PTPRG: variants seen among roughly 807,000 people sequenced by gnomAD.
The protein encoded by PTPRG is receptor-type tyrosine-protein phosphatase gamma.
A neutral mutation model predicts 165.3 loss-of-function variants in PTPRG; 102 were observed. That is an observed-to-expected ratio of 0.62 (90% CI 0.53 to 0.73). The LOEUF is 0.73. PTPRG is among the 30% of genes least tolerant of loss of function. The pLI is 0.00. For synonymous variants in PTPRG, 675 were observed against 669.5 expected, an observed-to-expected ratio of 1.01 and a Z score of -0.13; for missense variants, 1,866 against 1,861.4, an observed-to-expected ratio of 1.00 and a Z score of -0.05.
chr3:61,917,372 T>C (rs561776861), intron 2 of PTPRG, among the ~76,000 whole-genome samples: 1 of 152,130 alleles, frequency 6.6e-6, no homozygotes, highest in South Asian at 2.1e-4. Flanking sequence ...TGAAATGGAG[T>C]GTTTAAGCGG....
At chr3:62,135,345 G>A (rs1703668494) in intron 6 of PTPRG, among the ~76,000 whole-genome samples, 1 of 151,954 alleles carries the variant, frequency 6.6e-6, no homozygotes, top group African/African-American at 2.4e-5. Flanking sequence ...AAAGTCCTGT[G>A]AGGGATTTGA....
intron 5 of PTPRG, among the ~76,000 whole-genome samples, chr3:62,098,482 G>C (rs1983165): frequency 0.74 from 111,847 of 151,938 alleles, 41,581 homozygotes; most frequent in Middle Eastern, 0.83. Context: ...CCTGTGGATA[G>C]TGGGGATAAC....
intron 1 of PTPRG, among the ~76,000 whole-genome samples, chr3:61,632,942 G>A (rs752080351): frequency 4.6e-5 from 7 of 152,140 alleles, no homozygotes; most frequent in South Asian, 4.1e-4. Context: ...CTTGCATGCC[G>A]GCTGTTTCCA....
chr3:62,206,912 C>CAAAAAAAAAAAAAAA (rs556974355), intron 12 of PTPRG, among the ~76,000 whole-genome samples: 18 of 37,336 alleles, frequency 4.8e-4, no homozygotes, highest in African/African-American at 1.2e-3. Context: ...GACTCTGTCT[C>CAAAAAAAAAAAAAAA]AAAAAAAAAA....
intron 2 of PTPRG, among the ~76,000 whole-genome samples, chr3:61,837,924 C>T (rs944248900): frequency 6.6e-5 from 10 of 152,200 alleles, no homozygotes; most frequent in Non-Finnish European, 2.9e-5. Flanking sequence ...ACATGGCCTT[C>T]CCTGTCTTTC....
At chr3:61,937,174 A>G (rs749638201) in intron 2 of PTPRG, among the ~76,000 whole-genome samples, 12 of 152,274 alleles carry the variant, frequency 7.9e-5, no homozygotes, top group Middle Eastern at 3.4e-3. Context: ...AAAGATGCAA[A>G]CCTTCAAGGA....
intron 4 of PTPRG, among the ~76,000 whole-genome samples, chr3:62,012,287 T>G (rs1315027779): frequency 6.6e-6 from 1 of 152,206 alleles, no homozygotes; most frequent in Non-Finnish European, 1.5e-5. Context: ...CTCCAACACC[T>G]TAACCATAAT....
chr3:61,862,728 C>G (rs1392669144), intron 2 of PTPRG, among the ~76,000 whole-genome samples: 1 of 152,120 alleles, frequency 6.6e-6, no homozygotes, highest in East Asian at 1.9e-4. Flanking sequence ...TAGCTGCATA[C>G]AGTTCCCTTT....
chr3:62,129,863 G>A (rs2106919102), intron 5 of PTPRG, among the ~76,000 whole-genome samples: 1 of 152,316 alleles, frequency 6.6e-6, no homozygotes, highest in East Asian at 1.9e-4. Flanking sequence ...GAGCACATGA[G>A]TTGATCAGGT....
chr3:61,848,497 G>T (rs189782243), intron 2 of PTPRG, among the ~76,000 whole-genome samples: 2 of 152,156 alleles, frequency 1.3e-5, no homozygotes, highest in African/African-American at 4.8e-5. Flanking sequence ...CCAAGTTAAG[G>T]CTGTTCTTTT....
chr3:62,226,908 G>A (rs775734494), intron 13 of PTPRG, among the ~76,000 whole-genome samples: 2 of 152,160 alleles, frequency 1.3e-5, no homozygotes, highest in African/African-American at 4.8e-5. Context: ...ATGTGTTGGT[G>A]CCTCCTCATT....
chr3:62,111,813 A>C lies in PTPRG; in HGVS notation c.616-20789A>C, dbSNP rs77699380. 1.5e-3 allele frequency among the ~76,000 whole-genome samples: 228 copies of C among 152,262 alleles called. 3 individuals carry two copies. The highest frequency in any genetic ancestry group is 0.011 in the South Asian group (55 of 4,824). On this transcript the variant is annotated intron_variant, in intron 5 of 29. Coordinates refer to ENST00000474889, the MANE Select transcript of PTPRG (RefSeq NM_002841.4). ...GGATCTTTTTTTCCTTTAAATGTCA[A>C]TTGTCCCACAGAAACATTGTTTTCC...
chr3:62,176,072 A>AC (rs1008134852), intron 8 of PTPRG, among the ~76,000 whole-genome samples: 2 of 151,986 alleles, frequency 1.3e-5, no homozygotes, highest in African/African-American at 4.8e-5. Context: ...ACGTCTATAA[A>AC]CTTATTGTTC....
chr3:62,141,752 T>A (rs1343334446), intron 6 of PTPRG, among the ~76,000 whole-genome samples: 6 of 144,762 alleles, frequency 4.1e-5, no homozygotes, highest in African/African-American at 1.5e-4. Context: ...AAAAAAAAAA[T>A]ACAAAAATTA....
intron 2 of PTPRG, among the ~76,000 whole-genome samples, chr3:61,771,622 T>C (rs2034209787): frequency 6.6e-6 from 1 of 152,208 alleles, no homozygotes; most frequent in Non-Finnish European, 1.5e-5. Context: ...AAAATAATTA[T>C]TGTAACTATG....
intron 4 of PTPRG, among the ~76,000 whole-genome samples, chr3:62,062,423 C>A (rs79124287): frequency 0.012 from 1,856 of 152,214 alleles, 26 homozygotes; most frequent in African/African-American, 0.042. Context: ...CAGCAAAATT[C>A]TTTCAGCTTT....
At chr3:61,975,664 CT>C (rs3069594) in intron 2 of PTPRG, among the ~76,000 whole-genome samples, 3,602 of 149,386 alleles carry the variant, frequency 0.024, 111 homozygotes, top group African/African-American at 0.078. Context: ...CTGAAGAATA[CT>C]TTTTTTTTTT....
chr3:62,168,870 G>A (rs1049240886), intron 8 of PTPRG, among the ~76,000 whole-genome samples: 21 of 152,292 alleles, frequency 1.4e-4, no homozygotes, highest in African/African-American at 3.8e-4. Context: ...CTTGAAGGAT[G>A]AATGTGGGGG....
intron 4 of PTPRG, among the ~76,000 whole-genome samples, chr3:62,005,690 C>CTT (rs35487954): frequency 2.3e-4 from 14 of 60,304 alleles, no homozygotes; most frequent in Admixed American, 2.8e-4. Context: ...CATTAATATC[C>CTT]TTTTTTTTTT....
Sources: allele counts gnomAD v4.1 joint callset (sites outside exome capture counted in the v4.1 genomes callset), GRCh38; gene constraint gnomAD v4.1.1; transcripts MANE v1.5; gene names NCBI Gene and HGNC (gene_info 2026-07-23, HGNC 2026-07-21).